ST8SIA5: variants seen among roughly 807,000 people sequenced by gnomAD.
ST8SIA5 encodes the protein ST8 alpha-N-acetyl-neuraminide alpha-2,8-sialyltransferase 5.
A neutral mutation model predicts 40.2 loss-of-function variants in ST8SIA5; 24 were observed. The observed-to-expected ratio is 0.60, with a 90% CI of 0.43 to 0.84. ST8SIA5 has a LOEUF of 0.84. Ranked by LOEUF, ST8SIA5 falls within the 40% of genes least tolerant of loss-of-function variation. ST8SIA5 has a pLI of 0.00. For synonymous variants in ST8SIA5, 198 were observed against 201.8 expected (o/e 0.98, Z 0.16); for missense variants, 465 against 498.5 (o/e 0.93, Z 0.64).
chr18:46,674,734 A>T lies in ST8SIA5; in HGVS notation c.*5308T>A, dbSNP rs537264685. On this transcript the variant is annotated 3_prime_UTR_variant, in exon 7 of 7. Transcript: ENST00000315087. ...TGGAGTCGGTGATGGTTGCAGCAGAAGCACAGAGGAGAGAGTGCCCAGCCC... is the reference window on the plus strand; with the variant it reads ...TGGAGTCGGTGATGGTTGCAGCAGATGCACAGAGGAGAGAGTGCCCAGCCC... 1 of 152,524 alleles carries T rather than the reference A, an allele frequency of 6.6e-6. No individual in the cohort carries two copies. The highest frequency in any genetic ancestry group is 1.5e-5 in the Non-Finnish European group (1 of 68,206). 9.4% of individuals were successfully genotyped at this position (152,524 alleles called of 1,614,324 possible).
At chr18:46,701,632 G>A (rs2039617682) in intron 2 of ST8SIA5, among the ~76,000 whole-genome samples, 1 of 152,210 alleles carries the variant, frequency 6.6e-6, no homozygotes, top group South Asian at 2.1e-4. Flanking sequence ...CAGCTCTGCA[G>A]TATCTTCATC....
intron 3 of ST8SIA5, among the ~76,000 whole-genome samples, chr18:46,690,814 C>A (rs569408318): frequency 3.9e-5 from 6 of 152,116 alleles, no homozygotes; most frequent in Non-Finnish European, 8.8e-5. Context: ...CAGGGTTTCA[C>A]CATGTTGGCC....
In ST8SIA5 at chr18:46,670,472, G is replaced by C. The variant is rs1037707008; in HGVS notation, c.*9570C>G. The C allele has an allele frequency of 6.6e-6, 1 of 152,152 alleles. No homozygotes were observed. Among genetic ancestry groups the C allele is most frequent in the African/African-American group, 2.4e-5 (1 of 41,408 alleles). 9.4% of individuals were successfully genotyped at this position (152,152 alleles called of 1,614,324 possible). A position where few individuals can be genotyped will look rare whatever the true frequency, so the allele number is the denominator to read the frequency against. On this transcript the variant is annotated 3_prime_UTR_variant, in exon 7 of 7. Coordinates refer to ENST00000315087, the MANE Select transcript of ST8SIA5 (RefSeq NM_013305.6). ...CTTTTTTAATTATTATTTTGAGACA[G>C]GGTCTGGCTCTGTCACCCAGGCTGG... is the stretch of plus-strand genomic sequence containing the variant.
intron 1 of ST8SIA5, among the ~76,000 whole-genome samples, chr18:46,738,185 A>G (rs998216889): frequency 2.6e-5 from 4 of 151,480 alleles, no homozygotes; most frequent in Non-Finnish European, 5.9e-5. Context: ...GAAGTGAATG[A>G]CCTGGATACA....
chr18:46,738,990 T>A (rs967713365), intron 1 of ST8SIA5, among the ~76,000 whole-genome samples: 1 of 152,152 alleles, frequency 6.6e-6, no homozygotes, highest in African/African-American at 2.4e-5. Context: ...GGGTCCTCTG[T>A]ACTTGAGGCA....
intron 1 of ST8SIA5, among the ~76,000 whole-genome samples, chr18:46,755,146 C>CG (rs1177693152): frequency 2.0e-5 from 3 of 152,154 alleles, no homozygotes; most frequent in African/African-American, 7.2e-5. Flanking sequence ...TCCCCAGCTC[C>CG]GGGGGAGTTA....
chr18:46,684,925 C>T (rs1025882342), intron 5 of ST8SIA5, among the ~76,000 whole-genome samples: 7 of 152,134 alleles, frequency 4.6e-5, no homozygotes, highest in Non-Finnish European at 8.8e-5. Context: ...GAAGGACAAG[C>T]GGCAGTTGGC....
chr18:46,724,989 G>GAGGAAGGAAGGA (rs60444300), intron 1 of ST8SIA5, among the ~76,000 whole-genome samples: 1,632 of 99,628 alleles, frequency 0.016, 24 homozygotes, highest in East Asian at 0.035. Flanking sequence ...GAAAGAGAGA[G>GAGGAAGGAAGGA]AGGAAGGAAG....
intron 1 of ST8SIA5, among the ~76,000 whole-genome samples, chr18:46,724,658 C>T (rs908726522): frequency 6.6e-6 from 1 of 152,070 alleles, no homozygotes; most frequent in Non-Finnish European, 1.5e-5. Flanking sequence ...GTCTCAATTC[C>T]TACAAACGCC....
chr18:46,709,062 G>A (rs572832926), intron 1 of ST8SIA5, among the ~76,000 whole-genome samples: 15 of 152,200 alleles, frequency 9.9e-5, no homozygotes, highest in Non-Finnish European at 2.1e-4. Flanking sequence ...TTTTTGGTCC[G>A]TACTGCTCTA....
chr18:46,691,824 G>C (rs551992854), intron 3 of ST8SIA5: 65 of 316,844 alleles, frequency 2.1e-4, no homozygotes, highest in Non-Finnish European at 5.6e-5. Flanking sequence ...TAGAGGATGC[G>C]TAATGCACCT....
chr18:46,719,997 C>G (rs780844172), intron 1 of ST8SIA5, among the ~76,000 whole-genome samples: 12 of 151,974 alleles, frequency 7.9e-5, no homozygotes, highest in Non-Finnish European at 1.6e-4. Context: ...TGCCACCACA[C>G]CCGGCTAATT....
Position 46,680,206 on chromosome 18 carries a change from C to A in ST8SIA5, c.967G>T (p.Ala323Ser). ...CEEVHLFGFW[A>S]FPMNPSGLYI... Reference sequence around the variant, plus strand: ...AGGCCCGAGGGGTTCATGGGGAAGGCCCAGAAGCCAAAGAGGTGCACCTCC... The same window carrying A: ...AGGCCCGAGGGGTTCATGGGGAAGGACCAGAAGCCAAAGAGGTGCACCTCC... Residue 323 changes from alanine to serine, a missense_variant, in exon 7 of 7, where the codon GCC becomes TCC. Physicochemically the swap from Ala to Ser is moderately conservative, Grantham distance 99. Coordinates refer to ENST00000315087, the MANE Select transcript of ST8SIA5 (RefSeq NM_013305.6). 6.2e-7 allele frequency: 1 copy of A among 1,614,206 alleles called. No homozygotes were observed. Among genetic ancestry groups the A allele is most frequent in the Non-Finnish European group, 8.5e-7 (1 of 1,180,042 alleles).
intron 1 of ST8SIA5, among the ~76,000 whole-genome samples, chr18:46,744,456 A>G (rs2040118646): frequency 6.6e-6 from 1 of 152,232 alleles, no homozygotes; most frequent in Non-Finnish European, 1.5e-5. Flanking sequence ...CAAAGATCAA[A>G]AGAGACAACG....
In ST8SIA5 at chr18:46,678,352, C is replaced by A. The variant is rs763238271; in HGVS notation, c.*1690G>T. On this transcript the variant is annotated 3_prime_UTR_variant, in exon 7 of 7. Transcript: ENST00000315087. ...CAAGACACAAAAGTTTGGCCAAGAA[C>A]GGAGCCCTGGATCAGGAGCCTGGAG... is the stretch of plus-strand genomic sequence containing the variant. The A allele has an allele frequency of 6.5e-6, 1 of 152,840 alleles. No individual in the cohort carries two copies. The highest frequency in any genetic ancestry group is 2.4e-5 in the African/African-American group (1 of 41,450). The allele number at this position is 152,840 out of a possible 1,614,324, so 9.5% of individuals were successfully genotyped here.
intron 1 of ST8SIA5, among the ~76,000 whole-genome samples, chr18:46,752,528 A>G (rs1599159577): frequency 6.6e-6 from 1 of 152,188 alleles, no homozygotes; most frequent in African/African-American, 2.4e-5. Flanking sequence ...CACTGAGCCC[A>G]CTAAGCCACC....
chr18:46,693,945 C>T (rs995540375), intron 2 of ST8SIA5, among the ~76,000 whole-genome samples: 1 of 152,198 alleles, frequency 6.6e-6, no homozygotes, highest in Non-Finnish European at 1.5e-5. Context: ...AGAAATTGTT[C>T]CTTGCATCCT....
At position 46,679,973 on chromosome 18, in the gene ST8SIA5, C is replaced by G; in HGVS notation, c.*69G>C. 1.4e-6 allele frequency: 2 copies of G among 1,478,304 alleles called. No individual in the cohort carries two copies. Among genetic ancestry groups the G allele is most frequent in the Non-Finnish European group, 1.8e-6 (2 of 1,096,676 alleles). The allele number at this position is 1,478,304 out of a possible 1,614,324, so 91.6% of individuals were successfully genotyped here. On this transcript the variant is annotated 3_prime_UTR_variant, in exon 7 of 7. Coordinates refer to ENST00000315087, the MANE Select transcript of ST8SIA5 (RefSeq NM_013305.6). The stretch of plus-strand genomic sequence containing the variant: ...GGACCCCACGCTGCCCGGTTCGGGG[C>G]TCCCAGTTCCACCAGGAGGGACAGC...
chr18:46,684,480 G>A (rs1424975475), intron 5 of ST8SIA5, among the ~76,000 whole-genome samples: 2 of 152,190 alleles, frequency 1.3e-5, no homozygotes, highest in Non-Finnish European at 2.9e-5. Context: ...CCAAGGGGTA[G>A]TTACTATTAT....
Sources: gnomAD v4.1 joint callset for allele counts (sites outside exome capture counted in the v4.1 genomes callset) on GRCh38, gnomAD v4.1.1 for gene constraint, MANE v1.5 for transcripts, NCBI Gene and HGNC (gene_info 2026-07-23, HGNC 2026-07-21) for gene names.